Variants in TUSC3 observed in about 807,000 individuals in gnomAD.
TUSC3 encodes tumor suppressor candidate 3.
A neutral mutation model predicts 44.8 loss-of-function variants in TUSC3; 45 were observed. The observed-to-expected ratio is 1.00, with a 90% confidence interval of 0.79 to 1.29. TUSC3 has a LOEUF of 1.29. Ranked by LOEUF, TUSC3 falls within the 50% of genes most tolerant of loss-of-function variation. TUSC3 has a pLI of 0.00. For missense variants in TUSC3, 519 were observed against 437.9 expected (o/e 1.19, Z -1.65); for synonymous variants, 212 against 152.9 (o/e 1.39, Z -2.85).
At chr8:15,772,603 A>T in the TUSC3 span, among the ~76,000 whole-genome samples, 1 of 152,196 alleles carries the variant, frequency 6.6e-6, no homozygotes, top group Non-Finnish European at 1.5e-5. Flanking sequence ...AATGAACACA[A>T]TCTTTCTCAA....
At chr8:15,720,028 C>G (rs903126098) in intron 6 of TUSC3, among the ~76,000 whole-genome samples, 3 of 152,050 alleles carry the variant, frequency 2.0e-5, no homozygotes, top group African/African-American at 4.8e-5. Flanking sequence ...AAGTGATCCT[C>G]CTGCCTCAGC....
the TUSC3 span, among the ~76,000 whole-genome samples, chr8:15,817,976 G>A: frequency 6.6e-6 from 1 of 152,062 alleles, no homozygotes; most frequent in Non-Finnish European, 1.5e-5. Context: ...CTCTAGGAAT[G>A]GAAAAAAGGA....
chr8:15,634,043 G>A (rs1429089), intron 2 of TUSC3, among the ~76,000 whole-genome samples: 151,903 of 152,306 alleles, frequency 1, 75,752 homozygotes, highest in East Asian at 1. Flanking sequence ...TCCGAGGGCT[G>A]TATACTTCCA....
At chr8:15,835,056 T>G in the TUSC3 span, among the ~76,000 whole-genome samples, 24 of 152,200 alleles carry the variant, frequency 1.6e-4, no homozygotes, top group Non-Finnish European at 2.9e-4. Context: ...ATTGTTACTT[T>G]CCTTTCATAA....
chr8:15,797,516 G>A, the TUSC3 span, among the ~76,000 whole-genome samples: 3 of 152,260 alleles, frequency 2.0e-5, no homozygotes, highest in East Asian at 3.9e-4. Flanking sequence ...TAGAGGAAGT[G>A]TGATAATGCC....
chr8:15,757,986 G>T, intron 10 of TUSC3, 131 bp downstream of exon 10: 1 of 1,476,236 alleles, frequency 6.8e-7, no homozygotes. Flanking sequence ...TTAACTGTGA[G>T]ATTCCATATT....
intron 7 of TUSC3, among the ~76,000 whole-genome samples, chr8:15,735,036 G>C (rs954479958): frequency 2.0e-5 from 3 of 152,188 alleles, no homozygotes; most frequent in Non-Finnish European, 4.4e-5. Context: ...GAAGTATTAT[G>C]AGGTTGAGCC....
intron 2 of TUSC3, among the ~76,000 whole-genome samples, chr8:15,624,756 C>T (rs1411082050): frequency 3.3e-5 from 5 of 151,996 alleles, no homozygotes; most frequent in Non-Finnish European, 7.4e-5. Flanking sequence ...CTTGTATTTT[C>T]CTCCTCATTA....
At chr8:15,423,685 C>T (rs1167341653) in intron 1 of TUSC3, among the ~76,000 whole-genome samples, 1 of 152,116 alleles carries the variant, frequency 6.6e-6, no homozygotes, top group Admixed American at 6.6e-5. Context: ...TCTTGATCCT[C>T]CTAAAGCGGG....
In TUSC3 at chr8:15,712,062, A is replaced by G. The variant is rs970108185; in HGVS notation, c.799-18604A>G. 9.9e-5 allele frequency among the ~76,000 whole-genome samples: 15 copies of G among 152,078 alleles called. No homozygotes were observed. In the East Asian group the frequency reaches 2.9e-3, roughly 29 times the overall value. On this transcript the variant is annotated intron_variant, in intron 6 of 10. Transcript: ENST00000503731. ...GCTGTGCACAGTTTCGTCACATAATAATTTTTATTTTCTAGGATTGAATAT... is the reference window on the plus strand; with the variant it reads ...GCTGTGCACAGTTTCGTCACATAATGATTTTTATTTTCTAGGATTGAATAT...
chr8:15,772,141 T>C, the TUSC3 span, among the ~76,000 whole-genome samples: 1 of 151,484 alleles, frequency 6.6e-6, no homozygotes, highest in Non-Finnish European at 1.5e-5. Context: ...CAAGTACACT[T>C]TAAAGAATTG....
the TUSC3 span, among the ~76,000 whole-genome samples, chr8:15,832,048 G>C: frequency 3.3e-5 from 5 of 152,150 alleles, no homozygotes; most frequent in South Asian, 4.1e-4. Context: ...TAGAGAGAAA[G>C]GTCAAGTCAC....
intron 1 of TUSC3, among the ~76,000 whole-genome samples, chr8:15,549,408 G>A (rs753132225): frequency 9.2e-5 from 14 of 151,482 alleles, no homozygotes; most frequent in Non-Finnish European, 7.4e-5. Context: ...TCCTGACCTC[G>A]TGATCTGCCC....
At chr8:15,637,544 A>C (rs961194273) in intron 2 of TUSC3, among the ~76,000 whole-genome samples, 1 of 151,876 alleles carries the variant, frequency 6.6e-6, no homozygotes, top group African/African-American at 2.4e-5. Context: ...TTTTCTCTTC[A>C]TGATTTTGTT....
intron 1 of TUSC3, among the ~76,000 whole-genome samples, chr8:15,591,157 A>G (rs996008106): frequency 2.0e-5 from 3 of 152,122 alleles, no homozygotes; most frequent in African/African-American, 7.2e-5. Context: ...AAATATTTGA[A>G]GATTTAAAAG....
the TUSC3 span, among the ~76,000 whole-genome samples, chr8:15,822,106 A>T: frequency 6.6e-6 from 1 of 152,210 alleles, no homozygotes; most frequent in Non-Finnish European, 1.5e-5. Context: ...GTGAGATACC[A>T]ATATAATGCT....
intron 1 of TUSC3, among the ~76,000 whole-genome samples, chr8:15,611,593 G>C (rs1030379292): frequency 6.6e-6 from 1 of 151,976 alleles, no homozygotes; most frequent in Non-Finnish European, 1.5e-5. Context: ...TTAACCTCTT[G>C]GAATTTTTGC....
chr8:15,583,060 A>G (rs1044437306), intron 1 of TUSC3, among the ~76,000 whole-genome samples: 9 of 152,346 alleles, frequency 5.9e-5, no homozygotes, highest in Non-Finnish European at 1.0e-4. Flanking sequence ...AAGTTGATCA[A>G]TATGACTGGA....
the TUSC3 span, chr8:15,806,468 T>C: frequency 3.5e-6 from 3 of 868,880 alleles, no homozygotes; most frequent in Non-Finnish European, 6.0e-6. Flanking sequence ...ACTTCCCTTA[T>C]GCAAACAGGT....
Sources: allele counts gnomAD v4.1 joint callset (sites outside exome capture counted in the v4.1 genomes callset), GRCh38; gene constraint gnomAD v4.1.1; transcripts MANE v1.5; gene names NCBI Gene and HGNC (gene_info 2026-07-23, HGNC 2026-07-21).